DPP8: variants seen among roughly 807,000 people sequenced by gnomAD.
The protein encoded by DPP8 is DPP VIII.
DPP8 carries 31 observed loss-of-function variants against 107.5 expected under a neutral mutation model. The observed-to-expected ratio is 0.29, with a 90% CI of 0.22 to 0.39. DPP8 has a LOEUF of 0.39. Ranked by LOEUF, DPP8 falls within the 10% of genes least tolerant of loss-of-function variation. The pLI, the probability that DPP8 is intolerant of heterozygous loss-of-function variation, is 1.00. For synonymous variants in DPP8, 381 were observed against 356.6 expected (o/e 1.07, Z -0.77); for missense variants, 842 against 1,076.1 (o/e 0.78, Z 3.04).
At position 65,446,616 on chromosome 15, in the gene DPP8, C is replaced by CTTTTTTTTT. The variant is rs397969608; in HGVS notation, c.*259_*267dup. 8.4e-6 allele frequency: 1 copy of CTTTTTTTTT among 119,058 alleles called. No homozygotes were observed. Among genetic ancestry groups the CTTTTTTTTT allele is most frequent in the African/African-American group, 3.1e-5 (1 of 32,470 alleles). The allele number at this position is 119,058 out of a possible 1,614,324, so 7.4% of individuals were successfully genotyped here. A position where few individuals can be genotyped will look rare whatever the true frequency, so the allele number is the denominator to read the frequency against. On this transcript the variant is annotated 3_prime_UTR_variant, in exon 20 of 20. Coordinates refer to ENST00000300141, the MANE Select transcript of DPP8 (RefSeq NM_130434.5). The stretch of plus-strand genomic sequence containing the variant: ...TAGTATGAATACATGGTGCTAATGT[C>CTTTTTTTTT]TTTTTTTTTTTTTTTTTTTTAGTAA...
intron 1 of DPP8, chr15:65,515,600 C>A (rs2071352490): frequency 1.4e-6 from 2 of 1,465,694 alleles, no homozygotes; most frequent in South Asian, 2.3e-5. Context: ...CAGCACAGTG[C>A]ATATATTTCA....
In DPP8 at chr15:65,470,943, ATAG is replaced by A. The variant is rs1225885718; in HGVS notation, c.1536+3263_1536+3265del. Among the ~76,000 whole-genome samples the A allele has an allele frequency of 5.1e-3, 765 of 150,682 alleles. 5 individuals carry two copies. The highest frequency in any genetic ancestry group is 0.018 in the African/African-American group (735 of 40,148). On this transcript the variant is annotated intron_variant, in intron 12 of 19. Coordinates refer to ENST00000300141, the MANE Select transcript of DPP8 (RefSeq NM_130434.5). ...TCAAAAAAAAAAAAAAAGAGGGAAAATAGAGAAGAGGGAAAGACAGACTAACGT... is the reference window on the plus strand; with the variant it reads ...TCAAAAAAAAAAAAAAAGAGGGAAAAAGAAGAGGGAAAGACAGACTAACGT...
At chr15:65,468,998 C>T (rs1027809904) in intron 12 of DPP8, among the ~76,000 whole-genome samples, 3 of 151,954 alleles carry the variant, frequency 2.0e-5, no homozygotes, top group Admixed American at 6.6e-5. Context: ...TTTTTGAGAC[C>T]GAGTTTCGCT....
intron 15 of DPP8, among the ~76,000 whole-genome samples, chr15:65,461,690 A>G (rs2064938479): frequency 6.6e-6 from 1 of 150,688 alleles, no homozygotes; most frequent in Admixed American, 6.7e-5. Flanking sequence ...GCAACCCTCC[A>G]GCACCTGGGT....
Position 65,486,482 on chromosome 15 carries a change from G to C in DPP8, c.955+1208C>G, listed in dbSNP as rs187728065. ...AGGTGGGAAAATGGCCTGAGCCCAGGAGGTGGAGGTATAGTGAGCCAAGAT... is the reference window on the plus strand; with the variant it reads ...AGGTGGGAAAATGGCCTGAGCCCAGCAGGTGGAGGTATAGTGAGCCAAGAT... On this transcript the variant is annotated intron_variant, in intron 7 of 19. Transcript: ENST00000300141. Among the ~76,000 whole-genome samples the C allele has an allele frequency of 1.2e-3, 182 of 152,038 alleles. 1 individual carries two copies. The highest frequency in any genetic ancestry group is 6.8e-3 in the Middle Eastern group (2 of 294).
chr15:65,505,287 G>A (rs1427338533), intron 3 of DPP8, among the ~76,000 whole-genome samples: 1 of 151,562 alleles, frequency 6.6e-6, no homozygotes, highest in African/African-American at 2.4e-5. Context: ...CCCGGGAGGA[G>A]GAGCTTGCAG....
At chr15:65,490,720 GA>G (rs1469453783) in intron 5 of DPP8, among the ~76,000 whole-genome samples, 2 of 152,166 alleles carry the variant, frequency 1.3e-5, no homozygotes, top group Non-Finnish European at 2.9e-5. Context: ...GACCTAGAGT[GA>G]ATCTTATAGG....
intron 18 of DPP8, 152 bp downstream of exon 18, chr15:65,451,808 C>A: frequency 1.4e-6 from 1 of 718,746 alleles, no homozygotes; most frequent in Non-Finnish European, 2.1e-6. Flanking sequence ...TGCCTGTAAA[C>A]CCAGCTACTC....
chr15:65,487,403 C>T (rs2067550400), intron 7 of DPP8, among the ~76,000 whole-genome samples: 1 of 152,204 alleles, frequency 6.6e-6, no homozygotes, highest in African/African-American at 2.4e-5. Flanking sequence ...CCCACCTCAG[C>T]TTCCCAAAGT....
At position 65,480,359 on chromosome 15, in the gene DPP8, G is replaced by T; in HGVS notation, c.1159C>A (p.Gln387Lys). 1 of 1,613,498 alleles carries T rather than the reference G, an allele frequency of 6.2e-7. No individual in the cohort carries two copies. Reference protein sequence around the residue: ...ILLDRSQTRLQIVLISPELFI... With the variant: ...ILLDRSQTRLKIVLISPELFI... The stretch of plus-strand genomic sequence containing the variant: ...AATTCAGGTGAGATCAACACTATCT[G>T]TAGGCGAGTCTGGGAGCGATCTAGT... Residue 387 changes from glutamine (Q) to lysine (K), a missense_variant, in exon 10 of 20, where the codon CAG becomes AAG. Around this residue, in one of 2 missense-constraint regions of DPP8, gnomAD observed 663 missense variants for 758.0 expected, o/e 0.87. Coordinates refer to ENST00000300141, the MANE Select transcript of DPP8 (RefSeq NM_130434.5).
At chr15:65,495,991 CTT>C (rs1182608384) in intron 5 of DPP8, among the ~76,000 whole-genome samples, 2 of 145,032 alleles carry the variant, frequency 1.4e-5, no homozygotes, top group African/African-American at 2.5e-5. Flanking sequence ...TTTCTTTTTT[CTT>C]TTTTTTTTTA....
intron 5 of DPP8, among the ~76,000 whole-genome samples, chr15:65,497,440 A>G (rs2068723469): frequency 6.6e-6 from 1 of 151,774 alleles, no homozygotes; most frequent in African/African-American, 2.4e-5. Flanking sequence ...TTTTTTGTCA[A>G]ACGAGGTGTC....
rs190054843 is a variant in DPP8 at position 65,515,915 on chromosome 15, T to C, written c.-12+1571A>G. On this transcript the variant is annotated intron_variant, in intron 1 of 19. Transcript: ENST00000300141. ...ACCAAAATATCACTTTTTGGGGCAA[T>C]ATATAATGCCTACATTATTTTGTAT... 9.4e-6 allele frequency: 5 copies of C among 530,424 alleles called. No individual in the cohort carries two copies. The African/African-American group carries it at 9.6e-5, about 10-fold the overall frequency. 32.9% of individuals were successfully genotyped at this position (530,424 alleles called of 1,614,324 possible). A position where few individuals can be genotyped will look rare whatever the true frequency, so the allele number is the denominator to read the frequency against.
intron 8 of DPP8, among the ~76,000 whole-genome samples, chr15:65,482,941 A>G (rs991797727): frequency 1.1e-4 from 17 of 151,690 alleles, no homozygotes; most frequent in Non-Finnish European, 2.5e-4. Context: ...CTAAAAATAT[A>G]AAAAAATTAG....
intron 12 of DPP8, among the ~76,000 whole-genome samples, chr15:65,472,695 T>C (rs1215860588): frequency 1.3e-5 from 2 of 152,200 alleles, no homozygotes; most frequent in African/African-American, 4.8e-5. Flanking sequence ...TGCTAGGCTC[T>C]AAAACTATGA....
chr15:65,447,149 A>G (rs58506591), intron 19 of DPP8, 143 bp from the exon 20 acceptor site: 9,366 of 535,506 alleles, frequency 0.017, 737 homozygotes, highest in African/African-American at 0.17. Flanking sequence ...AATCCTATCT[A>G]AACGCTCCTC....
At chr15:65,470,287 A>C (rs1331334577) in intron 12 of DPP8, among the ~76,000 whole-genome samples, 1 of 151,630 alleles carries the variant, frequency 6.6e-6, no homozygotes, top group Non-Finnish European at 1.5e-5. Context: ...GAAAAAGGTA[A>C]CTTAAGTCAA....
At chr15:65,515,121 G>A (rs1366380572) in intron 1 of DPP8, among the ~76,000 whole-genome samples, 1 of 152,180 alleles carries the variant, frequency 6.6e-6, no homozygotes, top group Non-Finnish European at 1.5e-5. Flanking sequence ...TAAGACCACA[G>A]GAATGCATCA....
chr15:65,467,313 C>T (rs1358222920), intron 12 of DPP8, 90 bp from the exon 13 acceptor site: 18 of 1,289,696 alleles, frequency 1.4e-5, no homozygotes, highest in Non-Finnish European at 1.9e-5. Flanking sequence ...TTGAGCCACT[C>T]CTTGACTTAT....
Sources: gnomAD v4.1 joint callset for allele counts (sites outside exome capture counted in the v4.1 genomes callset) on GRCh38, gnomAD v4.1.1 for gene constraint, gnomAD v4.1.1 regional missense constraint, MANE v1.5 for transcripts, NCBI Gene and HGNC (gene_info 2026-07-23, HGNC 2026-07-21) for gene names.